The following METTL25 variants were observed in gnomAD, a reference collection of about 807,000 sequenced individuals.
METTL25 encodes the protein probable methyltransferase-like protein 25.
METTL25 carries 64 observed loss-of-function variants against 71.6 expected under a neutral mutation model. That is an observed-to-expected ratio of 0.89 (90% confidence interval 0.73 to 1.10). The LOEUF is 1.10. Ranked by LOEUF, METTL25 falls within the 50% of genes least tolerant of loss-of-function variation. The pLI is 0.00. For missense variants in METTL25, 807 were observed against 707.0 expected (o/e 1.14, Z -1.60); for synonymous variants, 287 against 250.3 (o/e 1.15, Z -1.38).
intron 9 of METTL25, chr12:82,474,357 C>G (rs1225901473): frequency 6.6e-6 from 1 of 152,314 alleles, no homozygotes; most frequent in South Asian, 2.1e-4. Flanking sequence ...TGCTGCACTC[C>G]AGTGCTCTCT....
chr12:82,438,916 T>C (rs1293492360), intron 8 of METTL25, 125 bp downstream of exon 8: 2 of 753,178 alleles, frequency 2.7e-6, no homozygotes, highest in Non-Finnish European at 3.7e-6. Context: ...TTGAGCATAA[T>C]GTCAATAACA....
intron 5 of METTL25, among the ~76,000 whole-genome samples, chr12:82,423,730 A>T (rs1888728876): frequency 6.6e-6 from 1 of 152,240 alleles, no homozygotes; most frequent in Non-Finnish European, 1.5e-5. Flanking sequence ...TGGGTGAAGG[A>T]TATGAACAGA....
At chr12:82,477,579 TGTATG>T (rs1427019935) in intron 11 of METTL25, among the ~76,000 whole-genome samples, 1 of 151,806 alleles carries the variant, frequency 6.6e-6, no homozygotes, top group African/African-American at 2.4e-5. Flanking sequence ...TTCTTTTAAT[TGTATG>T]GTAATTACTA....
chr12:82,367,515 T>C (rs1882700942), intron 1 of METTL25, among the ~76,000 whole-genome samples: 1 of 152,212 alleles, frequency 6.6e-6, no homozygotes, highest in South Asian at 2.1e-4. Context: ...CGCCAATTCC[T>C]CTTCCTCCAT....
intron 5 of METTL25, among the ~76,000 whole-genome samples, chr12:82,408,392 GA>G (rs1161294524): frequency 6.6e-6 from 1 of 151,910 alleles, no homozygotes; most frequent in Non-Finnish European, 1.5e-5. Context: ...TTGAAGTATA[GA>G]GGTCAGAGCA....
At chr12:82,453,844 T>A (rs2642022) in intron 8 of METTL25, among the ~76,000 whole-genome samples, 151,662 of 152,186 alleles carry the variant, frequency 1, 75,573 homozygotes, top group Middle Eastern at 1. Context: ...ATTTATGGAG[T>A]TCCTGCTGTG....
At chr12:82,414,150 T>C (rs1887778716) in intron 5 of METTL25, among the ~76,000 whole-genome samples, 1 of 152,146 alleles carries the variant, frequency 6.6e-6, no homozygotes, top group African/African-American at 2.4e-5. Flanking sequence ...GAGTAAACTT[T>C]ACTGCCAGCC....
intron 2 of METTL25, among the ~76,000 whole-genome samples, chr12:82,387,300 C>G (rs1885131970): frequency 1.3e-5 from 2 of 151,586 alleles, no homozygotes; most frequent in Admixed American, 6.6e-5. Context: ...CTAATGTTCT[C>G]TATGGGAAGA....
chr12:82,420,719 A>G (rs1296736526), intron 5 of METTL25, among the ~76,000 whole-genome samples: 1 of 152,168 alleles, frequency 6.6e-6, no homozygotes, highest in Admixed American at 6.6e-5. Context: ...GAAGCTGGCA[A>G]ACCAGGCACA....
At chr12:82,394,586 A>G (rs1885910888) in intron 3 of METTL25, among the ~76,000 whole-genome samples, 1 of 152,010 alleles carries the variant, frequency 6.6e-6, no homozygotes, top group Non-Finnish European at 1.5e-5. Flanking sequence ...TGTTCCAGGC[A>G]TTATTTTCTA....
In METTL25 at chr12:82,425,556, C is replaced by G. The variant is rs575832288; in HGVS notation, c.1280-5337C>G. The stretch of plus-strand genomic sequence containing the variant: ...CCGGAAATCTACAGTATTTTTTAAC[C>G]CATTGTGTTTGTTCTCAGAGATTAC... On this transcript the variant is annotated intron_variant, in intron 5 of 11. Coordinates refer to ENST00000248306, the MANE Select transcript of METTL25 (RefSeq NM_032230.3). Among the ~76,000 whole-genome samples the G allele has an allele frequency of 2.0e-5, 3 of 152,064 alleles. No homozygotes were observed. In the South Asian group the frequency reaches 6.2e-4, roughly 32 times the overall value.
chr12:82,369,517 T>C, intron 1 of METTL25: 1 of 448,956 alleles, frequency 2.2e-6, no homozygotes, highest in Non-Finnish European at 4.5e-6. Context: ...TCTGGTGGGT[T>C]CATGGTCCTG....
chr12:82,398,948 G>C lies in METTL25; in HGVS notation c.685G>C (p.Ala229Pro). Residue 229 changes from alanine (A) to proline (P), a missense_variant, in exon 4 of 12, where the codon GCT becomes CCT. Coordinates refer to ENST00000248306, the MANE Select transcript of METTL25 (RefSeq NM_032230.3). ...GAAGAAACATTGGAAACTCTGTCAT[G>C]CTCAGTCAAGATTAGATGTCAATGG... is the stretch of plus-strand genomic sequence containing the variant. ...KLKKHWKLCH[A>P]QSRLDVNGLA... The C allele has an allele frequency of 6.2e-7, 1 of 1,612,062 alleles. No individual in the cohort carries two copies. The highest frequency in any genetic ancestry group is 8.5e-7 in the Non-Finnish European group (1 of 1,179,218).
intron 2 of METTL25, among the ~76,000 whole-genome samples, chr12:82,388,570 C>T (rs1475538928): frequency 1.3e-5 from 2 of 151,926 alleles, no homozygotes; most frequent in Admixed American, 1.3e-4. Flanking sequence ...CTTGGCCCCT[C>T]CCCCAATGTA....
In METTL25 at chr12:82,386,755, TTAAC is replaced by T. The variant is rs111569213; in HGVS notation, c.260-47_260-44del. 5.6e-4 allele frequency: 818 copies of T among 1,449,762 alleles called. 3 individuals are homozygous for T. In the African/African-American group the frequency reaches 9.9e-3, roughly 18 times the overall value. 89.8% of individuals were successfully genotyped at this position (1,449,762 alleles called of 1,614,324 possible). ...TTGTTGTTTATTAATATCACACTAA[TTAAC>T]CATTAATTATTGCTGAAGACTTTTT... is the stretch of plus-strand genomic sequence containing the variant. On this transcript the variant is annotated intron_variant, in intron 1 of 11. Transcript: ENST00000248306.
At chr12:82,390,404 A>G (rs1012474421) in intron 3 of METTL25, among the ~76,000 whole-genome samples, 2 of 152,098 alleles carry the variant, frequency 1.3e-5, no homozygotes, top group African/African-American at 4.8e-5. Context: ...TCCTGTTTTG[A>G]AAAATAGTTT....
At chr12:82,426,160 C>T (rs1888993316) in intron 5 of METTL25, among the ~76,000 whole-genome samples, 1 of 152,004 alleles carries the variant, frequency 6.6e-6, no homozygotes, top group Admixed American at 6.6e-5. Flanking sequence ...ACTAATGAAA[C>T]AGATTCTGAA....
intron 9 of METTL25, among the ~76,000 whole-genome samples, chr12:82,465,857 A>G (rs1257274917): frequency 6.6e-6 from 1 of 151,824 alleles, no homozygotes; most frequent in Middle Eastern, 3.4e-3. Flanking sequence ...GAACTTGTCT[A>G]TTTGCACTGC....
intron 5 of METTL25, among the ~76,000 whole-genome samples, chr12:82,410,092 G>A (rs1293984468): frequency 6.6e-6 from 1 of 152,080 alleles, no homozygotes; most frequent in Admixed American, 6.6e-5. Flanking sequence ...AAGGTGTCTA[G>A]AGGTTGAAGA....
Sources: gnomAD v4.1 joint callset for allele counts (sites outside exome capture counted in the v4.1 genomes callset) on GRCh38, gnomAD v4.1.1 for gene constraint, MANE v1.5 for transcripts, NCBI Gene and HGNC (gene_info 2026-07-23, HGNC 2026-07-21) for gene names.